The following CNTN3 variants were observed in gnomAD, a reference collection of about 807,000 sequenced individuals.
The protein encoded by CNTN3 is contactin 3, also known as contactin-3.
Under a neutral mutation model 119.1 loss-of-function variants are expected in CNTN3, and 60 were observed. That is an observed-to-expected ratio of 0.50 (90% CI 0.41 to 0.62). The LOEUF (loss-of-function observed/expected upper bound fraction) is 0.62, where lower values mean the gene tolerates loss of function less well. Among genes scored for constraint, CNTN3 ranks in the 20% least tolerant of loss-of-function variants. The pLI, the probability that CNTN3 is intolerant of heterozygous loss-of-function variation, is 0.00. For missense variants in CNTN3, 1,101 were observed against 1,242.4 expected, an observed-to-expected ratio of 0.89 and a Z score of 1.71; for synonymous variants, 450 against 438.7, an observed-to-expected ratio of 1.03 and a Z score of -0.32.
chr3:74,311,734 GAAGATGT>G (rs1702688935), intron 13 of CNTN3, among the ~76,000 whole-genome samples: 1 of 152,184 alleles, frequency 6.6e-6, no homozygotes, highest in Admixed American at 6.5e-5. Flanking sequence ...AAGGAACTTA[GAAGATGT>G]CACTCTCTCC....
At chr3:74,295,586 GCC>G (rs1220343722) in intron 18 of CNTN3, among the ~76,000 whole-genome samples, 1 of 151,808 alleles carries the variant, frequency 6.6e-6, no homozygotes, top group Non-Finnish European at 1.5e-5. Flanking sequence ...GAACTTCTCT[GCC>G]CACAGACGCT....
At chr3:74,510,982 A>G (rs1263817662) in intron 2 of CNTN3, among the ~76,000 whole-genome samples, 3 of 152,032 alleles carry the variant, frequency 2.0e-5, no homozygotes, top group East Asian at 1.9e-4. Context: ...AAATTCTACA[A>G]TCATATGATA....
intron 3 of CNTN3, among the ~76,000 whole-genome samples, chr3:74,490,945 T>G (rs1300849557): frequency 6.6e-6 from 1 of 152,188 alleles, no homozygotes; most frequent in African/African-American, 2.4e-5. Context: ...CATCATTAAA[T>G]GGAACTCACC....
rs541959406 is a variant in CNTN3 at position 74,363,104 on chromosome 3, T to C, written c.1214-1064A>G. On this transcript the variant is annotated intron_variant, in intron 10 of 22. Transcript: ENST00000263665. Reference sequence around the variant, plus strand: ...AACTATGGCTCATCAGCTTAATTTATTGCAATATAATTACAGTCTTTCAAG... The same window carrying C: ...AACTATGGCTCATCAGCTTAATTTACTGCAATATAATTACAGTCTTTCAAG... 5.3e-5 allele frequency among the ~76,000 whole-genome samples: 8 copies of C among 152,322 alleles called. No homozygotes were observed. The East Asian group carries it at 9.6e-4, about 18-fold the overall frequency.
At chr3:74,545,184 TTAAG>T (rs1324062319) in intron 1 of CNTN3, among the ~76,000 whole-genome samples, 1 of 152,160 alleles carries the variant, frequency 6.6e-6, no homozygotes, top group Admixed American at 6.5e-5. Context: ...TAAACTGCAA[TTAAG>T]TATCTATTAC....
At chr3:74,429,299 A>G (rs1701745836) in intron 4 of CNTN3, among the ~76,000 whole-genome samples, 2 of 152,132 alleles carry the variant, frequency 1.3e-5, no homozygotes, top group African/African-American at 4.8e-5. Context: ...GGCTTATAAT[A>G]TAGCTACAAT....
At chr3:74,268,528 A>G (rs888980610) in intron 20 of CNTN3, among the ~76,000 whole-genome samples, 5 of 152,118 alleles carry the variant, frequency 3.3e-5, no homozygotes, top group African/African-American at 1.2e-4. Flanking sequence ...AATGACACCA[A>G]ACGAGATTGT....
chr3:74,291,683 T>C (rs1702235325), intron 19 of CNTN3, among the ~76,000 whole-genome samples: 1 of 152,186 alleles, frequency 6.6e-6, no homozygotes, highest in African/African-American at 2.4e-5. Flanking sequence ...CCAGCAGTGT[T>C]CATTTATTTT....
At chr3:74,493,180 G>A (rs1176797220) in intron 3 of CNTN3, among the ~76,000 whole-genome samples, 1 of 151,982 alleles carries the variant, frequency 6.6e-6, no homozygotes, top group African/African-American at 2.4e-5. Flanking sequence ...ACTAGCATAT[G>A]GAATAACAAT....
chr3:74,542,938 C>T (rs1703862060), intron 1 of CNTN3, among the ~76,000 whole-genome samples: 1 of 152,000 alleles, frequency 6.6e-6, no homozygotes, highest in Non-Finnish European at 1.5e-5. Context: ...GGTCAACATA[C>T]CAAGATTCCC....
chr3:74,468,768 C>A (rs1702508471), intron 4 of CNTN3, among the ~76,000 whole-genome samples: 1 of 150,764 alleles, frequency 6.6e-6, no homozygotes, highest in Non-Finnish European at 1.5e-5. Context: ...GTGGTTATAG[C>A]AAACAAGTGC....
At chr3:74,509,411 C>T (rs1014725106) in intron 2 of CNTN3, among the ~76,000 whole-genome samples, 1 of 151,688 alleles carries the variant, frequency 6.6e-6, no homozygotes, top group African/African-American at 2.4e-5. Flanking sequence ...AATTCTCCTG[C>T]CTCAGCCTCC....
At chr3:74,314,260 T>C (rs539179347) in intron 13 of CNTN3, among the ~76,000 whole-genome samples, 1 of 152,112 alleles carries the variant, frequency 6.6e-6, no homozygotes, top group Non-Finnish European at 1.5e-5. Flanking sequence ...AAGAACAAGA[T>C]TAAAAAATAG....
At chr3:74,409,820 T>C (rs1323788782) in intron 5 of CNTN3, among the ~76,000 whole-genome samples, 2 of 152,200 alleles carry the variant, frequency 1.3e-5, no homozygotes, top group East Asian at 1.9e-4. Flanking sequence ...TTTGGATTTT[T>C]TCACTCATTT....
chr3:74,314,629 C>T (rs1026520292), intron 13 of CNTN3, among the ~76,000 whole-genome samples: 1 of 152,086 alleles, frequency 6.6e-6, no homozygotes, highest in Non-Finnish European at 1.5e-5. Context: ...TACCTAACAA[C>T]AGAGCATCAA....
At chr3:74,427,589 T>TA (rs1373636714) in intron 4 of CNTN3, among the ~76,000 whole-genome samples, 1 of 152,148 alleles carries the variant, frequency 6.6e-6, no homozygotes, top group Non-Finnish European at 1.5e-5. Context: ...TTTTGGACTT[T>TA]AAAAACAAAC....
At chr3:74,455,025 C>G (rs1391754993) in intron 4 of CNTN3, among the ~76,000 whole-genome samples, 3 of 152,058 alleles carry the variant, frequency 2.0e-5, no homozygotes, top group Admixed American at 1.3e-4. Flanking sequence ...GTCGTGTTCT[C>G]TTTATTTCCT....
chr3:74,316,957 T>C (rs1345251107), intron 13 of CNTN3, among the ~76,000 whole-genome samples: 1 of 151,486 alleles, frequency 6.6e-6, no homozygotes, highest in Non-Finnish European at 1.5e-5. Flanking sequence ...CCCATTATTA[T>C]TGTGTGGGAG....
intron 1 of CNTN3, among the ~76,000 whole-genome samples, chr3:74,609,275 G>A (rs190368547): frequency 3.0e-4 from 45 of 152,240 alleles, no homozygotes; most frequent in African/African-American, 1.0e-3. Flanking sequence ...CCAAGGGGTC[G>A]GCCTCATGGA....
Sources: gnomAD v4.1 joint callset for allele counts (sites outside exome capture counted in the v4.1 genomes callset) on GRCh38, gnomAD v4.1.1 for gene constraint, MANE v1.5 for transcripts, NCBI Gene and HGNC (gene_info 2026-07-23, HGNC 2026-07-21) for gene names.